The following UBN2 variants were observed in gnomAD, a reference collection of about 807,000 sequenced individuals.
The protein encoded by UBN2 is ubinuclein 2, also known as ubinuclein-2.
In UBN2, 35 loss-of-function variants were observed where a neutral mutation model predicts 120.2. The ratio of observed to expected loss-of-function variants is 0.29; its 90% CI spans 0.22 to 0.39. The LOEUF is 0.39. Among genes scored for constraint, UBN2 ranks in the 10% least tolerant of loss-of-function variants. The probability of loss-of-function intolerance (pLI) is 1.00; values close to 1 mark genes in which losing one functional copy is unlikely to be tolerated. For missense variants in UBN2, 1,693 were observed against 1,663.2 expected (o/e 1.02, Z -0.31); for synonymous variants, 661 against 648.7 (o/e 1.02, Z -0.29).
At chr7:139,249,139 G>C (rs1478742819) in intron 2 of UBN2, among the ~76,000 whole-genome samples, 2 of 151,850 alleles carry the variant, frequency 1.3e-5, no homozygotes, top group East Asian at 1.9e-4. Flanking sequence ...GCAAGATGTT[G>C]GTTCCTAGAA....
Position 139,269,209 on chromosome 7 carries a change from C to CTAAA in UBN2, c.1467-168_1467-165dup, listed in dbSNP as rs756984920. Among the ~76,000 whole-genome samples, 20 of 151,974 alleles carry CTAAA rather than the reference C, an allele frequency of 1.3e-4. No individual in the cohort carries two copies. In the East Asian group the frequency reaches 1.9e-3, roughly 15 times the overall value. ...GGGCTACAAGAACAAAACTCTGTCT[C>CTAAA]TAAATAAATAAATAAATAAACTGTT... On this transcript the variant is annotated intron_variant, in intron 7 of 17. Coordinates refer to ENST00000473989, the MANE Select transcript of UBN2 (RefSeq NM_173569.4).
intron 15 of UBN2, among the ~76,000 whole-genome samples, chr7:139,292,416 G>A (rs1228841324): frequency 6.6e-6 from 1 of 152,092 alleles, no homozygotes; most frequent in Non-Finnish European, 1.5e-5. Flanking sequence ...CGTAAACATG[G>A]CATCAAAGCC....
At chr7:139,317,682 A>T in the UBN2 span, among the ~76,000 whole-genome samples, 3 of 150,116 alleles carry the variant, frequency 2.0e-5, no homozygotes, top group African/African-American at 7.4e-5. Flanking sequence ...TTCTTTTTTG[A>T]GACAGAGTGT....
chr7:139,322,974 C>G, the UBN2 span, among the ~76,000 whole-genome samples: 1 of 152,182 alleles, frequency 6.6e-6, no homozygotes, highest in African/African-American at 2.4e-5. Flanking sequence ...GAAGGAATCA[C>G]TCACTCTCTC....
Position 139,251,939 on chromosome 7 carries a change from G to A in UBN2, c.562-17G>A. 1.9e-6 allele frequency: 3 copies of A among 1,607,230 alleles called. No homozygotes were observed. The highest frequency in any genetic ancestry group is 1.1e-5 in the South Asian group (1 of 90,932). On this transcript the variant is annotated splice_polypyrimidine_tract_variant and intron_variant, in intron 2 of 17. Coordinates refer to ENST00000473989, the MANE Select transcript of UBN2 (RefSeq NM_173569.4). ...AGCATGAGTACCAAATCAGTCTAAT[G>A]TATCTGTTCTTTGCAGGGTGGGAAA...
At chr7:139,312,559 T>G (rs1798463063), downstream of UBN2, among the ~76,000 whole-genome samples, 1 of 152,258 alleles carries the variant, frequency 6.6e-6, no homozygotes, top group Non-Finnish European at 1.5e-5. Flanking sequence ...TTTCTTGTTG[T>G]GGACATTAAT....
intron 7 of UBN2, among the ~76,000 whole-genome samples, chr7:139,268,256 GC>G (rs1797157061): frequency 6.6e-6 from 1 of 152,086 alleles, no homozygotes; most frequent in Admixed American, 6.6e-5. Context: ...CAGAGGGTAT[GC>G]CTCCAGTTTC....
Position 139,304,582 on chromosome 7 carries a change from G to A in UBN2, c.*6746G>A. The A allele has an allele frequency of 6.6e-6, 1 of 152,104 alleles. No individual in the cohort carries two copies. 9.4% of individuals were successfully genotyped at this position (152,104 alleles called of 1,614,324 possible). On this transcript the variant is annotated 3_prime_UTR_variant, in exon 18 of 18. Transcript: ENST00000473989. ...ATATTCAGGGTCAGGAAAGCAAAATGTTGGGGATGAGGAACCAGTGTTACC... is the reference window on the plus strand; with the variant it reads ...ATATTCAGGGTCAGGAAAGCAAAATATTGGGGATGAGGAACCAGTGTTACC...
Position 139,284,454 on chromosome 7 carries a change from T to C in UBN2, c.3549T>C (p.Ala1183=), listed in dbSNP as rs1338132156. 4 of 1,614,036 alleles carry C rather than the reference T, an allele frequency of 2.5e-6. No individual in the cohort carries two copies. Among genetic ancestry groups the C allele is most frequent in the Non-Finnish European group, 3.4e-6 (4 of 1,180,040 alleles). ...SRGSNLNSSG[A]NRTSLSGGTG... is the part of the protein sequence containing the mutation. The stretch of plus-strand genomic sequence containing the variant: ...GTAGCAACCTTAACTCAAGCGGAGC[T>C]AATAGGACTAGTCTGTCTGGGGGAA... The change falls in exon 15 of 18, where the codon GCT becomes GCC. Residue 1183 remains alanine (A), a synonymous_variant. Transcript: ENST00000473989.
intron 17 of UBN2, among the ~76,000 whole-genome samples, chr7:139,294,533 T>C (rs1038888811): frequency 6.6e-6 from 1 of 152,204 alleles, no homozygotes; most frequent in African/African-American, 2.4e-5. Flanking sequence ...CTTGGCATTT[T>C]AGCGGAGATG....
At chr7:139,316,110 G>GAAAAAAAA in the UBN2 span, among the ~76,000 whole-genome samples, 1 of 113,336 alleles carries the variant, frequency 8.8e-6, no homozygotes, top group African/African-American at 3.2e-5. Context: ...AAAAAAAAGG[G>GAAAAAAAA]GTTCCAGTTC....
intron 2 of UBN2, among the ~76,000 whole-genome samples, chr7:139,238,647 C>T (rs1010857415): frequency 2.6e-5 from 4 of 152,148 alleles, no homozygotes; most frequent in Non-Finnish European, 5.9e-5. Context: ...GTCTCGAACT[C>T]CTGACCTCAA....
intron 2 of UBN2, among the ~76,000 whole-genome samples, chr7:139,243,605 G>C (rs1451967950): frequency 6.6e-6 from 1 of 152,154 alleles, no homozygotes; most frequent in East Asian, 1.9e-4. Context: ...ACACATTATT[G>C]AATTTTAGCA....
chr7:139,284,553 A>G lies in UBN2; in HGVS notation c.3648A>G (p.Ser1216=). The change falls in exon 15 of 18, where the codon TCA becomes TCG. Residue 1216 remains serine (S), a synonymous_variant. Coordinates refer to ENST00000473989, the MANE Select transcript of UBN2 (RefSeq NM_173569.4). ...PHRPSTASGS[S]VVTASVQSTA... ...GACCATCCACTGCCTCAGGGTCTTC[A>G]GTGGTAACAGCCAGTGTGCAGGTAT... 1 of 1,611,964 alleles carries G rather than the reference A, an allele frequency of 6.2e-7. No individual in the cohort carries two copies. The highest frequency in any genetic ancestry group is 8.5e-7 in the Non-Finnish European group (1 of 1,179,274).
Position 139,265,952 on chromosome 7 carries a change from A to G in UBN2, c.1396-381A>G, listed in dbSNP as rs1172584320. On this transcript the variant is annotated intron_variant, in intron 6 of 17. Coordinates refer to ENST00000473989, the MANE Select transcript of UBN2 (RefSeq NM_173569.4). ...GCCAAAAAGTTTGTGGTAGTTTGCT[A>G]TAATAGCTGCAGGAAACTTACACAA... 3.9e-5 allele frequency among the ~76,000 whole-genome samples: 6 copies of G among 152,168 alleles called. No individual in the cohort carries two copies. In the South Asian group the frequency reaches 1.0e-3, roughly 26 times the overall value.
chr7:139,293,570 T>C, intron 16 of UBN2, 107 bp downstream of exon 16: 1 of 941,116 alleles, frequency 1.1e-6, no homozygotes, highest in South Asian at 1.9e-5. Flanking sequence ...ATGAAGATTA[T>C]AGTTTTTTTT....
At position 139,237,930 on chromosome 7, in the gene UBN2, A is replaced by G. The variant is rs118046276; in HGVS notation, c.561+833A>G. 2.9e-3 allele frequency among the ~76,000 whole-genome samples: 448 copies of G among 152,326 alleles called. 1 individual carries two copies. The highest frequency in any genetic ancestry group is 5.1e-3 in the Non-Finnish European group (348 of 68,028). ...TCTTTGAAAGTGTCCGGTTTATGCT[A>G]AATATTCATGTACATTTTATATTCA... On this transcript the variant is annotated intron_variant, in intron 2 of 17. Coordinates refer to ENST00000473989, the MANE Select transcript of UBN2 (RefSeq NM_173569.4).
chr7:139,275,244 C>CTCCA (rs1275870467), intron 11 of UBN2, among the ~76,000 whole-genome samples: 26 of 142,306 alleles, frequency 1.8e-4, no homozygotes, highest in Admixed American at 4.4e-4. Flanking sequence ...CACCATTGCA[C>CTCCA]TCCACCTGGG....
intron 2 of UBN2, among the ~76,000 whole-genome samples, chr7:139,242,403 C>T (rs994981339): frequency 2.0e-5 from 3 of 152,138 alleles, no homozygotes; most frequent in Admixed American, 6.5e-5. Context: ...AGGATCATCT[C>T]GATGTAGAGC....
Sources: gnomAD v4.1 joint callset for allele counts (sites outside exome capture counted in the v4.1 genomes callset) on GRCh38, gnomAD v4.1.1 for gene constraint, MANE v1.5 for transcripts, NCBI Gene and HGNC (gene_info 2026-07-23, HGNC 2026-07-21) for gene names.